Variants in PPFIBP2 observed in about 807,000 individuals in gnomAD.
The protein encoded by PPFIBP2 is PPFIB scaffold protein 2, also known as liprin-beta-2.
A neutral mutation model predicts 118.3 loss-of-function variants in PPFIBP2; 118 were observed. That is an observed-to-expected ratio of 1.00 (90% CI 0.86 to 1.16). The LOEUF is 1.16. Among genes scored for constraint, PPFIBP2 ranks in the 50% most tolerant of loss-of-function variants. The pLI, the probability that PPFIBP2 is intolerant of heterozygous loss-of-function variation, is 0.00. For synonymous variants in PPFIBP2, 414 were observed against 397.4 expected, an observed-to-expected ratio of 1.04 and a Z score of -0.50; for missense variants, 1,195 against 1,073.1, an observed-to-expected ratio of 1.11 and a Z score of -1.59.
intron 3 of PPFIBP2, chr11:7,576,908 A>C (rs1856419200): frequency 6.6e-6 from 1 of 152,384 alleles, no homozygotes; most frequent in Non-Finnish European, 1.5e-5. Context: ...ACTCGCCTGG[A>C]AAATGGGTGG....
At chr11:7,593,959 T>C (rs986686994) in intron 4 of PPFIBP2, among the ~76,000 whole-genome samples, 17 of 152,170 alleles carry the variant, frequency 1.1e-4, no homozygotes, top group Admixed American at 1.0e-3. Flanking sequence ...CAGATATTAA[T>C]TAGTGATTTG....
At chr11:7,602,930 G>C (rs141792956) in intron 5 of PPFIBP2, among the ~76,000 whole-genome samples, 1 of 152,150 alleles carries the variant, frequency 6.6e-6, no homozygotes, top group African/African-American at 2.4e-5. Context: ...TGACAATATG[G>C]ACTCTGTATT....
intron 1 of PPFIBP2, among the ~76,000 whole-genome samples, chr11:7,524,675 G>A (rs1850066462): frequency 6.6e-6 from 1 of 151,946 alleles, no homozygotes; most frequent in South Asian, 2.1e-4. Context: ...TCAGGATCAG[G>A]CACATTGGGA....
intron 5 of PPFIBP2, among the ~76,000 whole-genome samples, chr11:7,607,349 T>C (rs1429198952): frequency 9.3e-6 from 1 of 107,434 alleles, no homozygotes; most frequent in African/African-American, 5.8e-5. Context: ...CTGGAACTAC[T>C]TGAGGCCCAT....
intron 1 of PPFIBP2, among the ~76,000 whole-genome samples, chr11:7,528,536 G>T (rs1355989145): frequency 6.6e-6 from 1 of 152,122 alleles, no homozygotes; most frequent in Non-Finnish European, 1.5e-5. Context: ...ACCTGTTTAG[G>T]ATACCAAGGT....
intron 5 of PPFIBP2, among the ~76,000 whole-genome samples, chr11:7,599,797 A>ATTTT (rs1200161212): frequency 8.5e-6 from 1 of 117,404 alleles, no homozygotes; most frequent in Admixed American, 9.1e-5. Flanking sequence ...CGCCCGGCTA[A>ATTTT]TTTTTTTTTT....
chr11:7,545,318 T>G (rs2134481660), intron 1 of PPFIBP2, among the ~76,000 whole-genome samples: 1 of 152,248 alleles, frequency 6.6e-6, no homozygotes, highest in African/African-American at 2.4e-5. Context: ...TAATCCCAGC[T>G]GCTTAGGAGG....
At chr11:7,649,870 C>A (rs1001047108) in intron 21 of PPFIBP2, among the ~76,000 whole-genome samples, 1 of 152,176 alleles carries the variant, frequency 6.6e-6, no homozygotes, top group Non-Finnish European at 1.5e-5. Flanking sequence ...CCACCCTCCA[C>A]TGGGGAGACA....
At chr11:7,577,634 A>G (rs1211216879) in intron 3 of PPFIBP2, 5 of 455,708 alleles carry the variant, frequency 1.1e-5, no homozygotes, top group South Asian at 7.7e-5. Flanking sequence ...TCGTGGCTGA[A>G]GAGGGTAAGT....
intron 1 of PPFIBP2, among the ~76,000 whole-genome samples, chr11:7,525,266 T>A (rs1200028691): frequency 5.9e-5 from 9 of 152,226 alleles, no homozygotes. Context: ...TCTTTGAGCT[T>A]TACATTCCTC....
At chr11:7,635,914 CG>C (rs1307170727) in intron 14 of PPFIBP2, among the ~76,000 whole-genome samples, 1 of 152,078 alleles carries the variant, frequency 6.6e-6, no homozygotes, top group Non-Finnish European at 1.5e-5. Context: ...CACTGAAGAA[CG>C]TGACAGCTCT....
chr11:7,666,667 C>A, the PPFIBP2 span: 1 of 635,014 alleles, frequency 1.6e-6, no homozygotes, highest in Non-Finnish European at 2.8e-6. Context: ...CTGGAGTGCT[C>A]GCTGCCAACT....
chr11:7,539,469 C>G (rs1223657796), intron 1 of PPFIBP2: 1 of 152,500 alleles, frequency 6.6e-6, no homozygotes, highest in African/African-American at 2.4e-5. Context: ...AGGACAGGTA[C>G]AGCTTGTGGC....
chr11:7,639,477 G>A (rs1206447466), intron 14 of PPFIBP2, among the ~76,000 whole-genome samples: 4 of 152,174 alleles, frequency 2.6e-5, no homozygotes. Flanking sequence ...CTTCCTGTTA[G>A]AGTCAGTTTC....
intron 6 of PPFIBP2, 80 bp downstream of exon 6, chr11:7,610,502 C>T: frequency 6.4e-7 from 1 of 1,565,434 alleles, no homozygotes; most frequent in Non-Finnish European, 8.7e-7. Flanking sequence ...TGGTCAACTC[C>T]CAGCCTGGAA....
chr11:7,640,310 C>A (rs532098465), intron 15 of PPFIBP2, among the ~76,000 whole-genome samples: 1 of 152,118 alleles, frequency 6.6e-6, no homozygotes. Flanking sequence ...CCCTATTCCC[C>A]GTAGGAGGGT....
intron 17 of PPFIBP2, 79 bp from the exon 18 acceptor site, chr11:7,648,308 T>C: frequency 2.1e-6 from 3 of 1,462,120 alleles, no homozygotes; most frequent in South Asian, 2.7e-5. Context: ...TTTTCTTTTC[T>C]TTTGTTTGTG....
intron 9 of PPFIBP2, among the ~76,000 whole-genome samples, chr11:7,628,839 C>A (rs1034424027): frequency 1.3e-5 from 2 of 152,202 alleles, no homozygotes; most frequent in Admixed American, 6.5e-5. Flanking sequence ...TAAACATCAT[C>A]TCTGAGGATC....
rs1487663307 is a variant in PPFIBP2 at position 7,648,852 on chromosome 11, A to C, written c.1850A>C (p.Lys617Thr). 1.2e-6 allele frequency: 2 copies of C among 1,614,198 alleles called. No individual in the cohort carries two copies. The highest frequency in any genetic ancestry group is 1.7e-6 in the Non-Finnish European group (2 of 1,180,042). Residue 617 changes from lysine to threonine, a missense_variant, in exon 19 of 24, where the codon AAA becomes ACA. Transcript: ENST00000299492. The stretch of plus-strand genomic sequence containing the variant: ...AGGAAGAAGCTTGTTTTAGCAGTGA[A>C]AGCCATCAACACCAAACAGGAGGAG... ...LHRKKLVLAVKAINTKQEEKS... is the reference protein window; with the variant it reads ...LHRKKLVLAVTAINTKQEEKS...
Sources: gnomAD v4.1 joint callset for allele counts (sites outside exome capture counted in the v4.1 genomes callset) on GRCh38, gnomAD v4.1.1 for gene constraint, MANE v1.5 for transcripts, NCBI Gene and HGNC (gene_info 2026-07-23, HGNC 2026-07-21) for gene names.